Variants in CCDC148 observed in about 807,000 individuals in gnomAD.
CCDC148 encodes coiled-coil domain containing 148.
Under a neutral mutation model 85.7 loss-of-function variants are expected in CCDC148, and 89 were observed. That is an observed-to-expected ratio of 1.04 (90% CI 0.87 to 1.24). The LOEUF is 1.24. Among genes scored for constraint, CCDC148 ranks in the 50% most tolerant of loss-of-function variants. The pLI is 0.00. For missense variants in CCDC148, 692 were observed against 671.7 expected, an observed-to-expected ratio of 1.03 and a Z score of -0.33; for synonymous variants, 230 against 213.9, an observed-to-expected ratio of 1.08 and a Z score of -0.66.
In CCDC148 at chr2:158,184,658, C is replaced by T. The variant is rs184996624; in HGVS notation, c.1371-5662G>A. On this transcript the variant is annotated intron_variant, in intron 11 of 13. Coordinates refer to ENST00000283233, the MANE Select transcript of CCDC148 (RefSeq NM_138803.4). ...AAAATGACTTGCAATGCCAAGGCCTCGCTCCAGAATAATTACATCAGAATC... is the reference window on the plus strand; with the variant it reads ...AAAATGACTTGCAATGCCAAGGCCTTGCTCCAGAATAATTACATCAGAATC... 7.2e-5 allele frequency among the ~76,000 whole-genome samples: 11 copies of T among 152,178 alleles called. No homozygotes were observed. In the East Asian group the frequency reaches 1.7e-3, roughly 24 times the overall value.
intron 7 of CCDC148, among the ~76,000 whole-genome samples, chr2:158,317,213 T>G (rs1692320889): frequency 6.6e-6 from 1 of 152,172 alleles, no homozygotes; most frequent in Non-Finnish European, 1.5e-5. Flanking sequence ...CAAAAAAAAA[T>G]CTTTAGACAA....
At chr2:158,309,226 C>A (rs1400070050) in intron 9 of CCDC148, among the ~76,000 whole-genome samples, 1 of 152,098 alleles carries the variant, frequency 6.6e-6, no homozygotes, top group African/African-American at 2.4e-5. Flanking sequence ...GTTATAGTAA[C>A]TTTTTGGTTG....
intron 7 of CCDC148, among the ~76,000 whole-genome samples, chr2:158,333,312 T>C (rs1693246235): frequency 6.6e-6 from 1 of 152,232 alleles, no homozygotes; most frequent in African/African-American, 2.4e-5. Flanking sequence ...TTGTTCAGTT[T>C]CCATGTAGTT....
intron 10 of CCDC148, among the ~76,000 whole-genome samples, chr2:158,239,360 A>G (rs2105319619): frequency 7.1e-6 from 1 of 141,826 alleles, no homozygotes; most frequent in East Asian, 2.5e-4. Flanking sequence ...GACAGAGGGT[A>G]GAAAGATTCC....
At chr2:158,438,320 G>A (rs9752485) in intron 1 of CCDC148, among the ~76,000 whole-genome samples, 4,314 of 151,994 alleles carry the variant, frequency 0.028, 79 homozygotes, top group Middle Eastern at 0.1. Context: ...AAATAATGCC[G>A]CATATCTACA....
At chr2:158,400,954 T>C (rs916281958) in intron 1 of CCDC148, among the ~76,000 whole-genome samples, 1 of 152,174 alleles carries the variant, frequency 6.6e-6, no homozygotes, top group Non-Finnish European at 1.5e-5. Flanking sequence ...GAAAATATGC[T>C]CATCATCCCT....
chr2:158,187,125 C>T (rs1020548551), intron 11 of CCDC148, among the ~76,000 whole-genome samples: 1 of 152,038 alleles, frequency 6.6e-6, no homozygotes, highest in Non-Finnish European at 1.5e-5. Context: ...GAGAACCTCA[C>T]CTGCTCCACT....
chr2:158,424,289 T>A (rs1038869338), intron 1 of CCDC148, among the ~76,000 whole-genome samples: 5 of 152,162 alleles, frequency 3.3e-5, no homozygotes, highest in African/African-American at 1.2e-4. Flanking sequence ...GCGGCACTAT[T>A]CACAATAGAA....
At chr2:158,229,331 A>G (rs996350307) in intron 10 of CCDC148, among the ~76,000 whole-genome samples, 5 of 152,174 alleles carry the variant, frequency 3.3e-5, no homozygotes, top group Admixed American at 6.6e-5. Context: ...GCTAATTAAT[A>G]TACTTTTCTT....
chr2:158,407,640 A>G (rs545235822), intron 1 of CCDC148, among the ~76,000 whole-genome samples: 1 of 152,334 alleles, frequency 6.6e-6, no homozygotes, highest in East Asian at 1.9e-4. Context: ...AAAAAAGTTA[A>G]GGGCAAGGCT....
chr2:158,370,863 A>C (rs972053199), intron 1 of CCDC148, among the ~76,000 whole-genome samples: 8 of 151,852 alleles, frequency 5.3e-5, no homozygotes, highest in Non-Finnish European at 1.2e-4. Flanking sequence ...ACTGTAAAAA[A>C]AAAAAACTAC....
chr2:158,280,068 G>A (rs971181115), intron 9 of CCDC148, among the ~76,000 whole-genome samples: 8 of 151,912 alleles, frequency 5.3e-5, no homozygotes, highest in African/African-American at 1.2e-4. Context: ...TTACAGACAA[G>A]CAAATGCTGA....
At chr2:158,310,490 ACG>A (rs2105209871) in intron 8 of CCDC148, among the ~76,000 whole-genome samples, 1 of 151,704 alleles carries the variant, frequency 6.6e-6, no homozygotes, top group East Asian at 2.0e-4. Flanking sequence ...CACTTCCCAG[ACG>A]TGACGGCTGG....
At chr2:158,411,062 C>T (rs1427094618) in intron 1 of CCDC148, among the ~76,000 whole-genome samples, 1 of 152,158 alleles carries the variant, frequency 6.6e-6, no homozygotes. Context: ...AAGAAGTCTA[C>T]TGGTATACTT....
intron 1 of CCDC148, among the ~76,000 whole-genome samples, chr2:158,448,188 T>C (rs1688239705): frequency 6.6e-6 from 1 of 152,174 alleles, no homozygotes; most frequent in Non-Finnish European, 1.5e-5. Flanking sequence ...TGATTGTAAA[T>C]ATATTAATTT....
At chr2:158,296,516 C>T (rs1691196441) in intron 9 of CCDC148, among the ~76,000 whole-genome samples, 3 of 152,110 alleles carry the variant, frequency 2.0e-5, no homozygotes, top group Admixed American at 6.6e-5. Context: ...ACTTCCCCTC[C>T]TAAATTACCC....
intron 3 of CCDC148, among the ~76,000 whole-genome samples, chr2:158,341,488 T>G (rs1682694757): frequency 6.6e-6 from 1 of 152,080 alleles, no homozygotes; most frequent in African/African-American, 2.4e-5. Flanking sequence ...TGCGTGTGTG[T>G]ACTTTTATTA....
At chr2:158,231,237 CT>C (rs1382838458) in intron 10 of CCDC148, among the ~76,000 whole-genome samples, 4 of 152,174 alleles carry the variant, frequency 2.6e-5, no homozygotes, top group Non-Finnish European at 5.9e-5. Flanking sequence ...TGCTTATTTG[CT>C]TTTCTGCACA....
chr2:158,188,146 A>G (rs1685242906), intron 11 of CCDC148, among the ~76,000 whole-genome samples: 1 of 151,976 alleles, frequency 6.6e-6, no homozygotes, highest in South Asian at 2.1e-4. Context: ...GTCCACTCCA[A>G]TCCAAAAGCA....
Sources: gnomAD v4.1 joint callset for allele counts (sites outside exome capture counted in the v4.1 genomes callset) on GRCh38, gnomAD v4.1.1 for gene constraint, MANE v1.5 for transcripts, NCBI Gene and HGNC (gene_info 2026-07-23, HGNC 2026-07-21) for gene names.